SGCZ: variants seen among roughly 807,000 people sequenced by gnomAD.
SGCZ encodes the protein zeta-sarcoglycan.
A neutral mutation model predicts 41.3 loss-of-function variants in SGCZ; 40 were observed. The observed-to-expected ratio is 0.97, with a 90% confidence interval of 0.75 to 1.26. The LOEUF (loss-of-function observed/expected upper bound fraction) is 1.26, where lower values mean the gene tolerates loss of function less well. Ranked by LOEUF, SGCZ falls within the 50% of genes most tolerant of loss-of-function variation. The probability of loss-of-function intolerance (pLI) is 0.00; values close to 1 mark genes in which losing one functional copy is unlikely to be tolerated. For missense variants in SGCZ, 552 were observed against 369.8 expected, an observed-to-expected ratio of 1.49 and a Z score of -4.04; for synonymous variants, 206 against 137.5, an observed-to-expected ratio of 1.50 and a Z score of -3.49.
intron 7 of SGCZ, 103 bp downstream of exon 7, chr8:14,102,273 C>T: frequency 8.4e-7 from 1 of 1,188,854 alleles, no homozygotes. Context: ...TTATTTTCTA[C>T]TGAAAGATAT....
At chr8:15,045,028 T>A (rs755017901) in intron 1 of SGCZ, among the ~76,000 whole-genome samples, 1 of 152,072 alleles carries the variant, frequency 6.6e-6, no homozygotes, top group Non-Finnish European at 1.5e-5. Context: ...TGAATGCATA[T>A]TTTGGATATC....
intron 2 of SGCZ, among the ~76,000 whole-genome samples, chr8:14,398,090 C>G (rs1428582697): frequency 2.0e-5 from 3 of 151,904 alleles, no homozygotes; most frequent in Non-Finnish European, 4.4e-5. Flanking sequence ...TTTTTGTGAC[C>G]CTCAATTGAC....
intron 2 of SGCZ, among the ~76,000 whole-genome samples, chr8:14,532,603 G>A (rs1427780424): frequency 1.3e-5 from 2 of 150,628 alleles, no homozygotes; most frequent in Non-Finnish European, 2.9e-5. Flanking sequence ...TGATAATAAT[G>A]CAAAAATGTA....
chr8:14,828,834 C>T lies in SGCZ; in HGVS notation c.40-273908G>A, dbSNP rs948098800. 9.9e-5 allele frequency among the ~76,000 whole-genome samples: 15 copies of T among 152,156 alleles called. 1 individual carries two copies. The highest frequency in any genetic ancestry group is 3.1e-4 in the African/African-American group (13 of 41,440). On this transcript the variant is annotated intron_variant, in intron 1 of 7. Transcript: ENST00000382080. ...CCGAGAACATTTCAGCAGAGTCCTT[C>T]TTTACCATAACAATGCTTCCACTCA... is the stretch of plus-strand genomic sequence containing the variant.
intron 1 of SGCZ, among the ~76,000 whole-genome samples, chr8:15,194,829 C>G (rs1800668487): frequency 6.6e-6 from 1 of 152,150 alleles, no homozygotes; most frequent in Non-Finnish European, 1.5e-5. Flanking sequence ...GAAACTCATT[C>G]TGGACTTCTG....
At chr8:14,720,608 A>G (rs528119658) in intron 1 of SGCZ, among the ~76,000 whole-genome samples, 4 of 152,102 alleles carry the variant, frequency 2.6e-5, no homozygotes, top group Middle Eastern at 3.4e-3. Flanking sequence ...GCTCACAAGT[A>G]AAATCTGGCC....
At chr8:14,760,713 T>C (rs1799838906) in intron 1 of SGCZ, among the ~76,000 whole-genome samples, 1 of 152,198 alleles carries the variant, frequency 6.6e-6, no homozygotes, top group South Asian at 2.1e-4. Flanking sequence ...ATAAATATCC[T>C]CTAAAAATAC....
chr8:15,084,038 G>T (rs1805860406), intron 1 of SGCZ, among the ~76,000 whole-genome samples: 1 of 152,140 alleles, frequency 6.6e-6, no homozygotes, highest in African/African-American at 2.4e-5. Flanking sequence ...TTAGAACACA[G>T]TTGAAAATGT....
At chr8:14,687,437 A>C (rs901855161) in intron 1 of SGCZ, among the ~76,000 whole-genome samples, 3 of 150,676 alleles carry the variant, frequency 2.0e-5, no homozygotes, top group African/African-American at 7.3e-5. Context: ...GAGTGAGAAT[A>C]TGCGGTGTTT....
chr8:14,258,313 A>C (rs561226280), intron 3 of SGCZ, among the ~76,000 whole-genome samples: 44 of 152,278 alleles, frequency 2.9e-4, no homozygotes, highest in African/African-American at 1.0e-3. Flanking sequence ...GGCATATTTC[A>C]TTTAAAGAGG....
At chr8:14,248,785 A>T (rs1452587916) in intron 3 of SGCZ, among the ~76,000 whole-genome samples, 1 of 151,774 alleles carries the variant, frequency 6.6e-6, no homozygotes, top group Admixed American at 6.6e-5. Flanking sequence ...TGCTTGGATT[A>T]TGAGGGGTTT....
intron 1 of SGCZ, among the ~76,000 whole-genome samples, chr8:15,143,051 G>C (rs1028543491): frequency 3.3e-5 from 5 of 152,156 alleles, no homozygotes. Flanking sequence ...TCCTTTCCAA[G>C]GTACATTTGC....
intron 2 of SGCZ, among the ~76,000 whole-genome samples, chr8:14,547,313 C>T (rs543284774): frequency 1.1e-4 from 16 of 152,208 alleles, no homozygotes; most frequent in African/African-American, 3.4e-4. Context: ...CTCATTCAGA[C>T]GGCCAGAAAG....
chr8:14,234,492 A>G (rs1456607608), intron 4 of SGCZ, among the ~76,000 whole-genome samples: 1 of 152,102 alleles, frequency 6.6e-6, no homozygotes, highest in African/African-American at 2.4e-5. Context: ...AATTGACTAT[A>G]CCTTTCTAAC....
At chr8:15,096,585 C>T (rs1806354874) in intron 1 of SGCZ, among the ~76,000 whole-genome samples, 1 of 152,064 alleles carries the variant, frequency 6.6e-6, no homozygotes, top group South Asian at 2.1e-4. Flanking sequence ...CCTGAGAAGC[C>T]TTAGAAAATT....
chr8:14,494,533 G>A (rs75068931), intron 2 of SGCZ, among the ~76,000 whole-genome samples: 3,691 of 151,820 alleles, frequency 0.024, 100 homozygotes, highest in African/African-American at 0.065. Context: ...ACACAAACAC[G>A]CACACCACAC....
At chr8:14,187,292 A>T (rs1292886769) in intron 4 of SGCZ, among the ~76,000 whole-genome samples, 2 of 152,248 alleles carry the variant, frequency 1.3e-5, no homozygotes, top group Non-Finnish European at 2.9e-5. Context: ...CCAATGTTCA[A>T]CAAAATTATG....
At chr8:14,543,095 A>T (rs938635659) in intron 2 of SGCZ, among the ~76,000 whole-genome samples, 1 of 151,850 alleles carries the variant, frequency 6.6e-6, no homozygotes, top group African/African-American at 2.4e-5. Context: ...TTTATTTAGG[A>T]ACATTGGCAC....
At chr8:14,723,661 T>C (rs1809960866) in intron 1 of SGCZ, among the ~76,000 whole-genome samples, 1 of 150,200 alleles carries the variant, frequency 6.7e-6, no homozygotes, top group South Asian at 2.1e-4. Flanking sequence ...ATGAAATTTA[T>C]ATATTTATCT....
Sources: gnomAD v4.1 joint callset for allele counts (sites outside exome capture counted in the v4.1 genomes callset) on GRCh38, gnomAD v4.1.1 for gene constraint, MANE v1.5 for transcripts, NCBI Gene and HGNC (gene_info 2026-07-23, HGNC 2026-07-21) for gene names.